PHF6: variants seen among roughly 807,000 people sequenced by gnomAD.
PHF6 encodes the protein PHD finger protein 6, also known as PHD-like zinc finger protein.
PHF6 carries 7 observed loss-of-function variants against 34.0 expected under a neutral mutation model. The ratio of observed to expected loss-of-function variants is 0.21; its 90% CI spans 0.12 to 0.39. The LOEUF (loss-of-function observed/expected upper bound fraction) is 0.39, where lower values mean the gene tolerates loss of function less well. PHF6 is among the 10% of genes least tolerant of loss of function. The pLI is 1.00. For missense variants in PHF6, 128 were observed against 262.8 expected (o/e 0.49, Z 3.55); for synonymous variants, 89 against 88.4 (o/e 1.01, Z -0.04).
chrX:134,421,656 T>C (rs189824217), intron 9 of PHF6, among the ~76,000 whole-genome samples: 2 of 110,965 alleles, frequency 1.8e-5, no homozygotes, highest in Admixed American at 1.9e-4. Context: ...AAATACTTAA[T>C]GTCAACTTTA....
At chrX:134,395,120 T>C (rs1287965312) in intron 5 of PHF6, among the ~76,000 whole-genome samples, 2 of 111,848 alleles carry the variant, frequency 1.8e-5, no homozygotes, top group African/African-American at 6.5e-5. Flanking sequence ...CCCAAAGTGC[T>C]GGGATTACAG....
At chrX:134,381,298 A>C (rs2077306260) in intron 3 of PHF6, among the ~76,000 whole-genome samples, 1 of 111,237 alleles carries the variant, frequency 9.0e-6, no homozygotes, top group African/African-American at 3.3e-5. Flanking sequence ...TGCTTCTTTC[A>C]TTATATCATT....
chrX:134,421,844 C>T (rs1256283635), intron 9 of PHF6, among the ~76,000 whole-genome samples: 1 of 107,042 alleles, frequency 9.3e-6, no homozygotes, highest in Admixed American at 1.0e-4. Flanking sequence ...CTTATCTATG[C>T]TGTTTTATAA....
intron 9 of PHF6, among the ~76,000 whole-genome samples, chrX:134,421,364 C>T (rs1034963800): frequency 1.8e-5 from 2 of 111,878 alleles, no homozygotes; most frequent in African/African-American, 6.5e-5. Flanking sequence ...TATTACTTCT[C>T]ATTAGTTGCA....
chrX:134,407,905 AG>A (rs2077432301), intron 5 of PHF6, among the ~76,000 whole-genome samples: 1 of 111,520 alleles, frequency 9.0e-6, no homozygotes, highest in African/African-American at 3.3e-5. Context: ...AGCAGGTGGA[AG>A]TAGAAGGTGA....
chrX:134,400,239 C>T (rs755535692), intron 5 of PHF6, among the ~76,000 whole-genome samples: 100 of 110,144 alleles, frequency 9.1e-4, no homozygotes, highest in African/African-American at 3.0e-3. Context: ...CCACCACACC[C>T]GGCTAATTTT....
rs1213894999 is a variant in PHF6 at position 134,413,661 on chromosome X, A to T, written c.585+4A>T. On this transcript the variant is annotated splice_donor_region_variant and intron_variant, in intron 6 of 10. Transcript: ENST00000370803. ...TGAAATGGAAAGTAGTTCCTATGTA[A>T]GTAAAAAAAACTGTTGGATTCTTAC... 8.3e-7 allele frequency: 1 copy of T among 1,210,127 alleles called. No individual in the cohort carries two copies. The highest frequency in any genetic ancestry group is 1.1e-6 in the Non-Finnish European group (1 of 893,893).
intron 1 of PHF6, among the ~76,000 whole-genome samples, chrX:134,375,399 G>A (rs777538822): frequency 1.3e-4 from 15 of 112,008 alleles, no homozygotes; most frequent in Non-Finnish European, 2.6e-4. Flanking sequence ...AAATTAGGAT[G>A]AGAAATTAGC....
intron 5 of PHF6, among the ~76,000 whole-genome samples, chrX:134,402,237 G>A (rs753592135): frequency 4.7e-4 from 53 of 112,019 alleles, no homozygotes; most frequent in African/African-American, 1.5e-3. Flanking sequence ...CTCGTGATCC[G>A]CCCACCTTGG....
chrX:134,381,963 C>G (rs1339396470), intron 3 of PHF6, among the ~76,000 whole-genome samples: 6 of 111,530 alleles, frequency 5.4e-5, no homozygotes, highest in African/African-American at 2.0e-4. Context: ...CTGGTGTTGA[C>G]TCCAAAGTTG....
chrX:134,386,819 A>C (rs991626917), intron 3 of PHF6, among the ~76,000 whole-genome samples: 2 of 112,265 alleles, frequency 1.8e-5, no homozygotes, highest in African/African-American at 6.5e-5. Context: ...AGGTTTTGTA[A>C]GCTATGTGGT....
At chrX:134,397,963 A>C (rs1430735966) in intron 5 of PHF6, among the ~76,000 whole-genome samples, 1 of 112,296 alleles carries the variant, frequency 8.9e-6, no homozygotes, top group Non-Finnish European at 1.9e-5. Flanking sequence ...CCTATGAGGA[A>C]ATTTCATTTA....
At chrX:134,414,360 A>G (rs745640968) in intron 7 of PHF6, among the ~76,000 whole-genome samples, 2 of 111,967 alleles carry the variant, frequency 1.8e-5, no homozygotes, top group East Asian at 5.6e-4. Flanking sequence ...TATTACAATT[A>G]TTCATTTATG....
At chrX:134,385,674 T>C (rs1376295054) in intron 3 of PHF6, among the ~76,000 whole-genome samples, 1 of 112,000 alleles carries the variant, frequency 8.9e-6, no homozygotes, top group Non-Finnish European at 1.9e-5. Flanking sequence ...ATTTTAGTGT[T>C]GTTTACAACT....
chrX:134,405,941 C>T (rs2077421328), intron 5 of PHF6, among the ~76,000 whole-genome samples: 1 of 109,390 alleles, frequency 9.1e-6, no homozygotes, highest in African/African-American at 3.3e-5. Context: ...AGTAAATGCA[C>T]ATCACATTTA....
At chrX:134,373,915 C>A (rs2077267840) in intron 1 of PHF6, among the ~76,000 whole-genome samples, 1 of 96,877 alleles carries the variant, frequency 1.0e-5, no homozygotes, top group Non-Finnish European at 2.1e-5. Flanking sequence ...GGGAAGCTTA[C>A]AACGAAGACT....
rs762595351 is a variant in PHF6 at position 134,413,016 on chromosome X, C to G, written c.419-475C>G. ...GTATATGTGCTGTCTAATACAGTTG[C>G]AACTAGCCACATGTAGCCAATAAGC... On this transcript the variant is annotated intron_variant, in intron 5 of 10. Coordinates refer to ENST00000370803, the MANE Select transcript of PHF6 (RefSeq NM_001015877.2). Among the ~76,000 whole-genome samples the G allele has an allele frequency of 5.4e-5, 6 of 111,903 alleles. No individual in the cohort carries two copies. The East Asian group carries it at 1.4e-3, about 26-fold the overall frequency.
At chrX:134,402,301 G>C (rs1184278620) in intron 5 of PHF6, among the ~76,000 whole-genome samples, 2 of 112,297 alleles carry the variant, frequency 1.8e-5, no homozygotes, top group African/African-American at 6.5e-5. Context: ...GCCACAGTTT[G>C]CATTACTTTT....
intron 5 of PHF6, among the ~76,000 whole-genome samples, chrX:134,410,111 G>A (rs980450335): frequency 1.8e-5 from 2 of 111,879 alleles, no homozygotes; most frequent in Non-Finnish European, 3.8e-5. Context: ...AACAGTGCAT[G>A]TGTCTTTTTG....
Sources: allele counts gnomAD v4.1 joint callset (sites outside exome capture counted in the v4.1 genomes callset), GRCh38; gene constraint gnomAD v4.1.1; transcripts MANE v1.5; gene names NCBI Gene and HGNC (gene_info 2026-07-23, HGNC 2026-07-21).